The following DOCK8 variants were observed in gnomAD, a reference collection of about 807,000 sequenced individuals.
DOCK8 encodes dedicator of cytokinesis protein 8.
Under a neutral mutation model 245.6 loss-of-function variants are expected in DOCK8, and 141 were observed. The ratio of observed to expected loss-of-function variants is 0.57; its 90% CI spans 0.50 to 0.66. The LOEUF is 0.66. DOCK8 is among the 30% of genes least tolerant of loss of function. The pLI is 0.00. For missense variants in DOCK8, 2,965 were observed against 2,603.4 expected, an observed-to-expected ratio of 1.14 and a Z score of -3.02; for synonymous variants, 1,168 against 970.2, an observed-to-expected ratio of 1.20 and a Z score of -3.79.
chr9:345,928 A>C (rs1039351438), intron 14 of DOCK8, among the ~76,000 whole-genome samples: 1 of 152,052 alleles, frequency 6.6e-6, no homozygotes, highest in Non-Finnish European at 1.5e-5. Context: ...GGGCATTCAT[A>C]AAATAAATCC....
In DOCK8 at chr9:306,142, AAT is replaced by A. The variant is rs2049816598; in HGVS notation, c.528+1442_528+1443del. Among the ~76,000 whole-genome samples, 4 of 152,350 alleles carry A rather than the reference AAT, an allele frequency of 2.6e-5. No individual in the cohort carries two copies. In the South Asian group the frequency reaches 8.3e-4, roughly 32 times the overall value. On this transcript the variant is annotated intron_variant, in intron 5 of 47. Transcript: ENST00000432829. ...GTTTGCACAGAACTTCTTGTAAACT[AAT>A]ATAGTTTTCAGCTTCCATGTGTCTT...
At chr9:323,238 T>G (rs1339277732) in intron 7 of DOCK8, among the ~76,000 whole-genome samples, 1 of 144,712 alleles carries the variant, frequency 6.9e-6, no homozygotes. Flanking sequence ...TTTTTTTTTT[T>G]TTTGAGACAG....
intron 39 of DOCK8, among the ~76,000 whole-genome samples, chr9:436,437 A>G (rs2056905126): frequency 6.6e-6 from 1 of 152,220 alleles, no homozygotes; most frequent in Non-Finnish European, 1.5e-5. Flanking sequence ...ATATTATAGT[A>G]CTACTCTTTC....
In DOCK8 at chr9:332,472, T is replaced by C. The variant is rs370564355; in HGVS notation, c.1119T>C (p.Gly373=). The change falls in exon 10 of 48, where the codon GGT becomes GGC. Residue 373 remains glycine (G), a synonymous_variant. Transcript: ENST00000432829. The part of the protein sequence containing the change: ...EPYTVIKESD[G]GKSKEKIEKL... Reference sequence around the variant, plus strand: ...ACACGGTTATCAAAGAAAGTGATGGTGGAAAGGTATGGTAATTTGAGTGTT... The same window carrying C: ...ACACGGTTATCAAAGAAAGTGATGGCGGAAAGGTATGGTAATTTGAGTGTT... 69 of 1,608,634 alleles carry C rather than the reference T, an allele frequency of 4.3e-5. No homozygotes were observed. In the African/African-American group the frequency reaches 7.4e-4, roughly 17 times the overall value.
At chr9:457,887 C>G (rs1487707938) in intron 46 of DOCK8, among the ~76,000 whole-genome samples, 1 of 152,152 alleles carries the variant, frequency 6.6e-6, no homozygotes, top group Non-Finnish European at 1.5e-5. Context: ...ATGAGGTAGG[C>G]TCTTATCACC....
At chr9:387,871 G>T (rs753609298) in intron 23 of DOCK8, among the ~76,000 whole-genome samples, 1 of 152,136 alleles carries the variant, frequency 6.6e-6, no homozygotes, top group Non-Finnish European at 1.5e-5. Flanking sequence ...TGTCCTGTTT[G>T]GTTTCGCAGT....
intron 2 of DOCK8, among the ~76,000 whole-genome samples, chr9:282,229 C>G (rs188476797): frequency 6.6e-6 from 1 of 152,264 alleles, no homozygotes; most frequent in African/African-American, 2.4e-5. Context: ...GTGGCCAACT[C>G]AGGAGCTCAG....
Position 332,394 on chromosome 9 carries a change from G to A in DOCK8, c.1045-4G>A, listed in dbSNP as rs1273174687. On this transcript the variant is annotated splice_region_variant and splice_polypyrimidine_tract_variant and intron_variant, in intron 9 of 47. Transcript: ENST00000432829. ...CCTTATTTTAATATTCTTTTTATTG[G>A]TAGATTGAAAAAGTCCTGCAGCAGG... is the stretch of plus-strand genomic sequence containing the variant. 9 of 1,601,510 alleles carry A rather than the reference G, an allele frequency of 5.6e-6. No homozygotes were observed. The South Asian group carries it at 7.7e-5, about 14-fold the overall frequency.
chr9:269,479 C>T (rs1486809660), intron 1 of DOCK8, among the ~76,000 whole-genome samples: 1 of 150,918 alleles, frequency 6.6e-6, no homozygotes. Context: ...TGGATTTTTT[C>T]CATTTTTTGG....
Position 382,636 on chromosome 9 carries a change from G to A in DOCK8, c.2729G>A (p.Gly910Glu), listed in dbSNP as rs749235748. ...AGCAGCAGTAACCCAGACCTCGCGG[G>A]GACACACTCCGCAGCAGACGAGGAA... ...VMSSSNPDLAGTHSAADEEVK... is the reference protein window; with the variant it reads ...VMSSSNPDLAETHSAADEEVK... The change falls in exon 22 of 48, where the codon GGG becomes GAG. Residue 910 changes from glycine (G) to glutamate (E), a missense_variant. Physicochemically the swap from Gly to Glu is moderately conservative, Grantham distance 98. Transcript: ENST00000432829. The A allele has an allele frequency of 7.4e-6, 12 of 1,613,992 alleles. No homozygotes were observed. The highest frequency in any genetic ancestry group is 1.1e-5 in the South Asian group (1 of 91,080).
rs763160551 is a variant in DOCK8, at chr9:339,093, A to G, written c.1510A>G (p.Ile504Val). 14 of 1,613,734 alleles carry G rather than the reference A, an allele frequency of 8.7e-6. No homozygotes were observed. In the South Asian group the frequency reaches 1.2e-4, roughly 14 times the overall value. ...ATCCTTACAGAGACGAGTCAAGTCA[A>G]TTCCAGGTGTGAATGACTTATCTTT... ...SSSLQRRVKSIPGLLRLEIST... is the reference protein window; with the variant it reads ...SSSLQRRVKSVPGLLRLEIST... Residue 504 changes from isoleucine (I) to valine (V), a missense_variant, in exon 13 of 48, where the codon ATT (isoleucine) becomes GTT (valine). Physicochemically the swap from Ile to Val is conservative, Grantham distance 29. Around this residue, in one of 3 missense-constraint regions of DOCK8, gnomAD observed 2,825 missense variants for 2,453.5 expected, o/e 1.15. Coordinates refer to ENST00000432829, the MANE Select transcript of DOCK8 (RefSeq NM_203447.4).
intron 33 of DOCK8, among the ~76,000 whole-genome samples, chr9:426,021 C>A (rs2056486098): frequency 6.6e-6 from 1 of 152,048 alleles, no homozygotes; most frequent in South Asian, 2.1e-4. Flanking sequence ...TATAATGATA[C>A]CCCAACCCCA....
At chr9:233,320 T>A (rs2047163516) in intron 1 of DOCK8, among the ~76,000 whole-genome samples, 1 of 152,154 alleles carries the variant, frequency 6.6e-6, no homozygotes, top group Non-Finnish European at 1.5e-5. Context: ...CTGCCAACTA[T>A]GTGGTCAATT....
At chr9:219,694 C>G (rs1198532364) in intron 1 of DOCK8, among the ~76,000 whole-genome samples, 2 of 151,860 alleles carry the variant, frequency 1.3e-5, no homozygotes, top group Non-Finnish European at 2.9e-5. Flanking sequence ...CCCAGGAGTT[C>G]GAGACCAGCC....
chr9:389,647 T>C (rs912685525), intron 23 of DOCK8, among the ~76,000 whole-genome samples: 4 of 151,996 alleles, frequency 2.6e-5, no homozygotes, highest in East Asian at 1.9e-4. Context: ...GAAATGCAAA[T>C]TCCCAGGCTA....
At chr9:341,854 C>G (rs1388248337) in intron 14 of DOCK8, among the ~76,000 whole-genome samples, 1 of 152,174 alleles carries the variant, frequency 6.6e-6, no homozygotes, top group Non-Finnish European at 1.5e-5. Flanking sequence ...GCTCCTCCTC[C>G]TGTCAGATCA....
intron 43 of DOCK8, 95 bp from the exon 44 acceptor site, chr9:446,275 C>A: frequency 9.5e-7 from 1 of 1,048,064 alleles, no homozygotes; most frequent in Non-Finnish European, 1.5e-6. Flanking sequence ...CAGGGCGGTG[C>A]CGGCACGCCG....
At chr9:316,319 A>G (rs1277520375) in intron 6 of DOCK8, among the ~76,000 whole-genome samples, 1 of 152,232 alleles carries the variant, frequency 6.6e-6, no homozygotes, top group Non-Finnish European at 1.5e-5. Context: ...TTTTGCATAC[A>G]TGAATATAAT....
intron 46 of DOCK8, chr9:456,136 A>T (rs1167229050): frequency 1.3e-5 from 2 of 152,214 alleles, no homozygotes; most frequent in Non-Finnish European, 2.9e-5. Flanking sequence ...ACAACTGTGT[A>T]AATTACTAAA....
Sources: allele counts gnomAD v4.1 joint callset (sites outside exome capture counted in the v4.1 genomes callset), GRCh38; gene constraint gnomAD v4.1.1; regional missense constraint gnomAD v4.1.1; transcripts MANE v1.5; gene names NCBI Gene and HGNC (gene_info 2026-07-23, HGNC 2026-07-21).